Variants in SLC1A7 observed in about 807,000 individuals in gnomAD.
The protein encoded by SLC1A7 is solute carrier family 1 member 7.
SLC1A7 carries 40 observed loss-of-function variants against 47.7 expected under a neutral mutation model. The ratio of observed to expected loss-of-function variants is 0.84; its 90% CI spans 0.65 to 1.09. SLC1A7 has a LOEUF of 1.09. SLC1A7 is among the 50% of genes least tolerant of loss of function. The pLI, the probability that SLC1A7 is intolerant of heterozygous loss-of-function variation, is 0.00. For synonymous variants in SLC1A7, 323 were observed against 325.6 expected (o/e 0.99, Z 0.09); for missense variants, 746 against 769.5 (o/e 0.97, Z 0.36).
intron 3 of SLC1A7, among the ~76,000 whole-genome samples, chr1:53,113,023 A>G (rs538923703): frequency 8.6e-5 from 13 of 151,410 alleles, no homozygotes; most frequent in Middle Eastern, 3.5e-3. Context: ...GGAAAGAGAA[A>G]CAAACTCACC....
At chr1:53,104,787 G>T (rs1644621865) in intron 4 of SLC1A7, among the ~76,000 whole-genome samples, 1 of 152,168 alleles carries the variant, frequency 6.6e-6, no homozygotes, top group African/African-American at 2.4e-5. Flanking sequence ...AAGGGGTTCA[G>T]GAAACCCTTG....
At chr1:53,119,567 G>A (rs1644797952) in intron 2 of SLC1A7, among the ~76,000 whole-genome samples, 1 of 152,032 alleles carries the variant, frequency 6.6e-6, no homozygotes, top group African/African-American at 2.4e-5. Context: ...GCCCAATCTG[G>A]TCTGGAACTC....
chr1:53,140,924 G>A (rs1645050840), intron 1 of SLC1A7, among the ~76,000 whole-genome samples: 1 of 152,148 alleles, frequency 6.6e-6, no homozygotes, highest in Non-Finnish European at 1.5e-5. Context: ...CTCCAGGAGT[G>A]GGTGTTTTCC....
intron 1 of SLC1A7, among the ~76,000 whole-genome samples, chr1:53,136,718 G>A (rs1645004353): frequency 6.9e-6 from 1 of 144,814 alleles, no homozygotes; most frequent in South Asian, 2.2e-4. Flanking sequence ...CCAGGCAGGA[G>A]GGCAGTGGCA....
intron 4 of SLC1A7, among the ~76,000 whole-genome samples, chr1:53,105,230 T>C (rs1644626758): frequency 6.6e-6 from 1 of 152,214 alleles, no homozygotes; most frequent in Non-Finnish European, 1.5e-5. Context: ...ATTTTCCTAA[T>C]TTTCTACAGT....
chr1:53,116,666 C>G (rs1317667573), intron 2 of SLC1A7, among the ~76,000 whole-genome samples: 2 of 152,190 alleles, frequency 1.3e-5, no homozygotes, highest in African/African-American at 4.8e-5. Context: ...CAGGGCCAAA[C>G]AGTCCTCCCA....
At chr1:53,110,301 G>C (rs1016660618) in intron 3 of SLC1A7, among the ~76,000 whole-genome samples, 3 of 152,190 alleles carry the variant, frequency 2.0e-5, no homozygotes, top group African/African-American at 7.2e-5. Flanking sequence ...TGAGGCCACA[G>C]GTCTCCTAGG....
chr1:53,094,083 C>T (rs1047560342), intron 5 of SLC1A7, among the ~76,000 whole-genome samples: 1 of 152,258 alleles, frequency 6.6e-6, no homozygotes, highest in African/African-American at 2.4e-5. Flanking sequence ...TCCCCGATCC[C>T]CTTTGCAAAC....
intron 2 of SLC1A7, among the ~76,000 whole-genome samples, chr1:53,133,978 G>A (rs12057760): frequency 0.4 from 60,996 of 152,016 alleles, 12,764 homozygotes; most frequent in African/African-American, 0.52. Flanking sequence ...AAGCCAGGCT[G>A]TGATCACTGG....
chr1:53,136,673 T>A lies in SLC1A7; in HGVS notation c.136-2244A>T, dbSNP rs1464312802. Among the ~76,000 whole-genome samples the A allele has an allele frequency of 1.4e-3, 192 of 137,898 alleles. 3 individuals carry two copies. Among genetic ancestry groups the A allele is most frequent in the African/African-American group, 2.3e-3 (85 of 36,522 alleles). 90.5% of individuals were successfully genotyped at this position (137,898 alleles called of 152,430 possible). On this transcript the variant is annotated intron_variant, in intron 1 of 10. Coordinates refer to ENST00000371494, the MANE Select transcript of SLC1A7 (RefSeq NM_006671.6). ...TATATTATATATATATATATTTTTTTTTTTTTTTTTTGAGACAAGGTCTCA... is the reference window on the plus strand; with the variant it reads ...TATATTATATATATATATATTTTTTATTTTTTTTTTTGAGACAAGGTCTCA...
intron 2 of SLC1A7, among the ~76,000 whole-genome samples, chr1:53,126,921 G>A (rs960159450): frequency 2.6e-5 from 4 of 151,938 alleles, no homozygotes; most frequent in African/African-American, 7.3e-5. Flanking sequence ...GGAGTGCAAT[G>A]GCATGAACAT....
intron 7 of SLC1A7, 101 bp downstream of exon 7, chr1:53,092,453 C>A: frequency 8.3e-6 from 7 of 841,416 alleles, no homozygotes; most frequent in Non-Finnish European, 9.7e-6. Flanking sequence ...GCCACACTGG[C>A]GTTTTGGTGG....
chr1:53,106,700 A>G (rs1644646506), intron 3 of SLC1A7, among the ~76,000 whole-genome samples: 1 of 152,184 alleles, frequency 6.6e-6, no homozygotes, highest in African/African-American at 2.4e-5. Flanking sequence ...TAGCACCTCT[A>G]AGTGTTTCGT....
chr1:53,100,359 GTACACTCACACGCCCCA>G, intron 5 of SLC1A7, among the ~76,000 whole-genome samples: 1 of 142,924 alleles, frequency 7.0e-6, no homozygotes, highest in African/African-American at 2.6e-5. Flanking sequence ...ACCCAACTCA[GTACACTCACACGCCCCA>G]CCTCGGTACA....
At position 53,129,520 on chromosome 1, in the gene SLC1A7, G is replaced by GT. The variant is rs1553164862; in HGVS notation, c.215+4829dup. On this transcript the variant is annotated intron_variant, in intron 2 of 10. Transcript: ENST00000371494. ...CACTCAGTTGGACTGAAGCACACAT[G>GT]TCTGAGGAGGGACTTGGGCCAGGGG... 9.2e-3 allele frequency among the ~76,000 whole-genome samples: 952 copies of GT among 103,738 alleles called. 1 individual carries two copies. The highest frequency in any genetic ancestry group is 0.015 in the East Asian group (54 of 3,532). 68.1% of individuals were successfully genotyped at this position (103,738 alleles called of 152,430 possible). A position where few individuals can be genotyped will look rare whatever the true frequency, so the allele number is the denominator to read the frequency against.
chr1:53,132,771 A>G (rs974104228), intron 2 of SLC1A7, among the ~76,000 whole-genome samples: 2 of 152,172 alleles, frequency 1.3e-5, no homozygotes, highest in South Asian at 2.1e-4. Context: ...ACTTGAACCC[A>G]GGAAGCCGAG....
chr1:53,092,839 C>T (rs758360169), intron 6 of SLC1A7, 52 bp from the exon 7 acceptor site: 4 of 1,205,492 alleles, frequency 3.3e-6, no homozygotes, highest in African/African-American at 1.5e-5. Flanking sequence ...AGACACACCC[C>T]GGCCCCAGCC....
intron 1 of SLC1A7, among the ~76,000 whole-genome samples, chr1:53,138,471 C>T (rs1030311632): frequency 2.0e-5 from 3 of 151,160 alleles, no homozygotes; most frequent in Admixed American, 6.6e-5. Context: ...TTTCTATTTT[C>T]ATTTATTTTT....
At chr1:53,100,504 C>G (rs1640438583) in intron 5 of SLC1A7, among the ~76,000 whole-genome samples, 2 of 151,828 alleles carry the variant, frequency 1.3e-5, no homozygotes, top group Admixed American at 1.3e-4. Flanking sequence ...TCGGTACATT[C>G]ACACACACCA....
Sources: gnomAD v4.1 joint callset for allele counts (sites outside exome capture counted in the v4.1 genomes callset) on GRCh38, gnomAD v4.1.1 for gene constraint, MANE v1.5 for transcripts, NCBI Gene and HGNC (gene_info 2026-07-23, HGNC 2026-07-21) for gene names.